MYT1L: variants seen among roughly 807,000 people sequenced by gnomAD.
The protein encoded by MYT1L is myelin transcription factor 1-like protein.
In MYT1L, 12 loss-of-function variants were observed where a neutral mutation model predicts 126.7. That is an observed-to-expected ratio of 0.09 (90% CI 0.06 to 0.15). MYT1L has a LOEUF of 0.15. MYT1L is among the 10% of genes least tolerant of loss of function. The pLI, the probability that MYT1L is intolerant of heterozygous loss-of-function variation, is 1.00. For missense variants in MYT1L, 979 were observed against 1,585.2 expected (o/e 0.62, Z 6.49); for synonymous variants, 541 against 604.2 (o/e 0.90, Z 1.53).
chr2:2,186,880 C>A (rs1426366593), intron 2 of MYT1L, among the ~76,000 whole-genome samples: 1 of 152,184 alleles, frequency 6.6e-6, no homozygotes, highest in Non-Finnish European at 1.5e-5. Flanking sequence ...TCACCTTGGT[C>A]TTTATTGGCA....
chr2:2,235,690 C>A (rs80128147), intron 2 of MYT1L, among the ~76,000 whole-genome samples: 1 of 152,202 alleles, frequency 6.6e-6, no homozygotes, highest in Admixed American at 6.5e-5. Flanking sequence ...CTCAGTTCCA[C>A]ACACTGTACA....
intron 1 of MYT1L, among the ~76,000 whole-genome samples, chr2:2,295,595 G>GACAGAC (rs2095665112): frequency 2.5e-5 from 2 of 79,318 alleles, no homozygotes; most frequent in African/African-American, 4.6e-5. Flanking sequence ...CAGACAGACA[G>GACAGAC]AGAGAGAGAC....
intron 21 of MYT1L, among the ~76,000 whole-genome samples, chr2:1,835,345 G>C (rs559801363): frequency 6.6e-6 from 1 of 152,162 alleles, no homozygotes; most frequent in Non-Finnish European, 1.5e-5. Context: ...TTACACAAAA[G>C]TGTTGAATAT....
chr2:2,077,196 G>T (rs1290800410), intron 3 of MYT1L, among the ~76,000 whole-genome samples: 2 of 152,100 alleles, frequency 1.3e-5, no homozygotes, highest in Non-Finnish European at 2.9e-5. Flanking sequence ...TAGCCTTACA[G>T]ATCTCTGGGA....
chr2:2,220,590 A>T (rs2093831123), intron 2 of MYT1L, among the ~76,000 whole-genome samples: 1 of 152,142 alleles, frequency 6.6e-6, no homozygotes, highest in East Asian at 1.9e-4. Context: ...AGATCTTGTT[A>T]TGTTAATAGA....
At chr2:2,138,144 A>G (rs2083333872) in intron 3 of MYT1L, among the ~76,000 whole-genome samples, 1 of 152,188 alleles carries the variant, frequency 6.6e-6, no homozygotes, top group African/African-American at 2.4e-5. Flanking sequence ...AATGAGATAG[A>G]TATCATCTCA....
chr2:1,972,904 A>C (rs1368017780), intron 8 of MYT1L, among the ~76,000 whole-genome samples: 9 of 152,242 alleles, frequency 5.9e-5, no homozygotes. Context: ...TGTACCCTAC[A>C]TTGGGAAGGA....
At chr2:2,043,323 C>T (rs1282779566) in intron 4 of MYT1L, among the ~76,000 whole-genome samples, 2 of 151,920 alleles carry the variant, frequency 1.3e-5, no homozygotes, top group East Asian at 3.9e-4. Flanking sequence ...ATATTACCTT[C>T]GATTAACAGT....
At chr2:1,830,913 G>A (rs554334272) in intron 21 of MYT1L, among the ~76,000 whole-genome samples, 6 of 152,282 alleles carry the variant, frequency 3.9e-5, no homozygotes, top group East Asian at 3.9e-4. Flanking sequence ...TGCACCTCCC[G>A]CATGCACCTG....
intron 2 of MYT1L, among the ~76,000 whole-genome samples, chr2:2,266,958 T>G (rs1486113475): frequency 6.6e-6 from 1 of 152,202 alleles, no homozygotes; most frequent in African/African-American, 2.4e-5. Flanking sequence ...GTCTCGAGCG[T>G]CTTCGTTAGC....
chr2:2,115,923 T>C (rs1279109390), intron 3 of MYT1L, among the ~76,000 whole-genome samples: 2 of 149,424 alleles, frequency 1.3e-5, no homozygotes, highest in Non-Finnish European at 3.0e-5. Flanking sequence ...GAGCCTGCTG[T>C]GCAGTTGAGG....
intron 3 of MYT1L, among the ~76,000 whole-genome samples, chr2:2,069,874 T>C (rs1204723168): frequency 6.6e-6 from 1 of 151,518 alleles, no homozygotes; most frequent in Non-Finnish European, 1.5e-5. Context: ...TGTCTTCTTT[T>C]GAAAAGCGTC....
intron 3 of MYT1L, among the ~76,000 whole-genome samples, chr2:2,079,153 A>C (rs2075545248): frequency 6.6e-6 from 1 of 152,234 alleles, no homozygotes; most frequent in South Asian, 2.1e-4. Context: ...TAAGCCACAT[A>C]GTTTATGACA....
chr2:2,007,011 ATTC>A (rs2063397761), intron 4 of MYT1L, among the ~76,000 whole-genome samples: 1 of 152,178 alleles, frequency 6.6e-6, no homozygotes. Flanking sequence ...GCAGGATTGC[ATTC>A]TTCTTAAGGC....
At chr2:2,030,461 T>TTCA (rs1250757153) in intron 4 of MYT1L, among the ~76,000 whole-genome samples, 5 of 152,236 alleles carry the variant, frequency 3.3e-5, no homozygotes, top group Non-Finnish European at 5.9e-5. Context: ...CATTCATTCG[T>TTCA]TCATTTGTTA....
chr2:2,267,632 C>G (rs1236139787), intron 2 of MYT1L, among the ~76,000 whole-genome samples: 1 of 152,128 alleles, frequency 6.6e-6, no homozygotes, highest in Non-Finnish European at 1.5e-5. Flanking sequence ...CAGTTCACCG[C>G]TTGGTGGGCT....
rs377503608 is a variant in MYT1L, at chr2:2,041,631, C to T, written c.-158+12347G>A. Reference sequence around the variant, plus strand: ...TCCCTCCCTGCAGAAGGAGCCCGTCCCCCATGGCCGGCCCCAGGAGGACCT... The same window carrying T: ...TCCCTCCCTGCAGAAGGAGCCCGTCTCCCATGGCCGGCCCCAGGAGGACCT... On this transcript the variant is annotated intron_variant, in intron 4 of 24. Coordinates refer to ENST00000647738, the MANE Select transcript of MYT1L (RefSeq NM_001303052.2). 2.0e-5 allele frequency among the ~76,000 whole-genome samples: 3 copies of T among 152,150 alleles called. No homozygotes were observed. The East Asian group carries it at 5.8e-4, about 29-fold the overall frequency.
At chr2:1,823,994 C>T (rs1313840207) in intron 21 of MYT1L, among the ~76,000 whole-genome samples, 2 of 135,656 alleles carry the variant, frequency 1.5e-5, no homozygotes, top group Admixed American at 1.4e-4. Context: ...GATGAGGCCG[C>T]GCCTCCCCCC....
At chr2:2,141,989 C>G (rs868744464) in intron 3 of MYT1L, among the ~76,000 whole-genome samples, 1 of 152,194 alleles carries the variant, frequency 6.6e-6, no homozygotes, top group African/African-American at 2.4e-5. Context: ...TTCTCCCACA[C>G]GGGAAAGCTT....
Sources: gnomAD v4.1 joint callset for allele counts (sites outside exome capture counted in the v4.1 genomes callset) on GRCh38, gnomAD v4.1.1 for gene constraint, MANE v1.5 for transcripts, NCBI Gene and HGNC (gene_info 2026-07-23, HGNC 2026-07-21) for gene names.